Variants in GALNT13 observed in about 807,000 individuals in gnomAD.
The protein encoded by GALNT13 is UDP-GalNAc:polypeptide N-acetylgalactosaminyltransferase 13.
GALNT13 carries 28 observed loss-of-function variants against 64.2 expected under a neutral mutation model. That is an observed-to-expected ratio of 0.44 (90% confidence interval 0.32 to 0.60). The LOEUF is 0.60. Ranked by LOEUF, GALNT13 falls within the 20% of genes least tolerant of loss-of-function variation. GALNT13 has a pLI of 0.05. For missense variants in GALNT13, 577 were observed against 669.8 expected (o/e 0.86, Z 1.53); for synonymous variants, 214 against 224.6 (o/e 0.95, Z 0.42).
At chr2:154,388,380 A>T (rs1698616476) in intron 9 of GALNT13, among the ~76,000 whole-genome samples, 1 of 152,162 alleles carries the variant, frequency 6.6e-6, no homozygotes, top group Non-Finnish European at 1.5e-5. Context: ...TTTGCTGTGC[A>T]GAAGCTTTTT....
At chr2:153,266,856 C>A in the GALNT13 span, among the ~76,000 whole-genome samples, 1 of 152,196 alleles carries the variant, frequency 6.6e-6, no homozygotes, top group South Asian at 2.1e-4. Flanking sequence ...TCCCAACAGT[C>A]CCCCACGTCT....
the GALNT13 span, among the ~76,000 whole-genome samples, chr2:153,621,128 C>T: frequency 6.6e-6 from 1 of 152,040 alleles, no homozygotes; most frequent in Non-Finnish European, 1.5e-5. Flanking sequence ...GTCTCTCTCT[C>T]TCTCTCTCCC....
At chr2:153,875,713 C>T (rs879294699) in intron 1 of GALNT13, among the ~76,000 whole-genome samples, 2 of 152,110 alleles carry the variant, frequency 1.3e-5, no homozygotes, top group Non-Finnish European at 2.9e-5. Flanking sequence ...TGAATAATAA[C>T]AGTCGAGAAA....
chr2:153,166,011 A>G, the GALNT13 span, among the ~76,000 whole-genome samples: 1 of 152,188 alleles, frequency 6.6e-6, no homozygotes. Flanking sequence ...AAGCTATAAT[A>G]TCATGTCTCT....
chr2:153,789,714 A>G, the GALNT13 span, among the ~76,000 whole-genome samples: 6 of 152,260 alleles, frequency 3.9e-5, no homozygotes, highest in South Asian at 1.0e-3. Context: ...AAGAGAGAAG[A>G]TCCAAATAAA....
chr2:153,535,456 G>A, the GALNT13 span, among the ~76,000 whole-genome samples: 3 of 152,172 alleles, frequency 2.0e-5, no homozygotes, highest in Non-Finnish European at 2.9e-5. Context: ...AACAAGAGCA[G>A]GGCATGTATG....
At chr2:153,117,179 C>G in the GALNT13 span, among the ~76,000 whole-genome samples, 1 of 152,098 alleles carries the variant, frequency 6.6e-6, no homozygotes, top group Non-Finnish European at 1.5e-5. Context: ...AAGGTACAAT[C>G]TTTGCTTGAA....
At chr2:153,567,899 A>C in the GALNT13 span, among the ~76,000 whole-genome samples, 1 of 152,232 alleles carries the variant, frequency 6.6e-6, no homozygotes, top group Non-Finnish European at 1.5e-5. Context: ...TTTGATTCCG[A>C]AATCTGTGGT....
chr2:154,099,129 G>A (rs1167311157), intron 3 of GALNT13, among the ~76,000 whole-genome samples: 1 of 152,038 alleles, frequency 6.6e-6, no homozygotes, highest in Admixed American at 6.6e-5. Context: ...GGTGTAATAT[G>A]TATTTTATTG....
chr2:153,361,472 T>C, the GALNT13 span, among the ~76,000 whole-genome samples: 1 of 152,076 alleles, frequency 6.6e-6, no homozygotes, highest in Non-Finnish European at 1.5e-5. Flanking sequence ...GTAAGAACCT[T>C]GATAAAAGGT....
the GALNT13 span, among the ~76,000 whole-genome samples, chr2:153,331,314 G>C: frequency 6.6e-6 from 1 of 151,160 alleles, no homozygotes; most frequent in Admixed American, 6.6e-5. Context: ...AATTCTACTA[G>C]GTGTACAGCT....
At chr2:154,162,407 A>G (rs1684784282) in intron 4 of GALNT13, among the ~76,000 whole-genome samples, 1 of 152,164 alleles carries the variant, frequency 6.6e-6, no homozygotes, top group South Asian at 2.1e-4. Context: ...AATTGCTTCA[A>G]CTCTGTGCTT....
At chr2:153,870,960 G>A (rs910168841), upstream of GALNT13, among the ~76,000 whole-genome samples, 1 of 152,070 alleles carries the variant, frequency 6.6e-6, no homozygotes, top group Non-Finnish European at 1.5e-5. Context: ...TTGCCAAGCA[G>A]GCACTTGAAC....
At chr2:154,437,442 A>G in intron 11 of GALNT13, 1 of 841,716 alleles carries the variant, frequency 1.2e-6, no homozygotes, top group Non-Finnish European at 1.6e-6. Context: ...AAAGACCCTG[A>G]CATGACCTTT....
intron 2 of GALNT13, among the ~76,000 whole-genome samples, chr2:153,909,687 A>G (rs1688813288): frequency 6.6e-6 from 1 of 152,148 alleles, no homozygotes; most frequent in African/African-American, 2.4e-5. Flanking sequence ...TGCAATAAAC[A>G]TGTGGTTTTG....
intron 8 of GALNT13, among the ~76,000 whole-genome samples, chr2:154,277,041 C>G (rs1691688502): frequency 1.3e-5 from 2 of 152,264 alleles, no homozygotes; most frequent in South Asian, 4.1e-4. Context: ...CAGACTAATA[C>G]ACTCCTACTT....
intron 9 of GALNT13, among the ~76,000 whole-genome samples, chr2:154,311,595 A>G (rs1051702633): frequency 1.3e-5 from 2 of 152,186 alleles, no homozygotes; most frequent in African/African-American, 4.8e-5. Context: ...TTTTGGCACC[A>G]TTGTCATTGA....
chr2:153,388,561 C>T, the GALNT13 span, among the ~76,000 whole-genome samples: 141 of 152,180 alleles, frequency 9.3e-4, no homozygotes, highest in African/African-American at 3.3e-3. Flanking sequence ...ATTAGAACTT[C>T]TAGCAACCTA....
chr2:153,958,429 A>T (rs1001968759), intron 3 of GALNT13, among the ~76,000 whole-genome samples: 1 of 152,230 alleles, frequency 6.6e-6, no homozygotes, highest in Non-Finnish European at 1.5e-5. Flanking sequence ...GTAAAGTATC[A>T]TTATAACATA....
Sources: gnomAD v4.1 joint callset for allele counts (sites outside exome capture counted in the v4.1 genomes callset) on GRCh38, gnomAD v4.1.1 for gene constraint, MANE v1.5 for transcripts, NCBI Gene and HGNC (gene_info 2026-07-23, HGNC 2026-07-21) for gene names.